Variants in CSMD3 observed in about 807,000 individuals in gnomAD.
CSMD3 encodes the protein CUB and sushi domain-containing protein 3.
A neutral mutation model predicts 435.2 loss-of-function variants in CSMD3; 177 were observed. The observed-to-expected ratio is 0.41, with a 90% CI of 0.36 to 0.46. The LOEUF (loss-of-function observed/expected upper bound fraction) is 0.46, where lower values mean the gene tolerates loss of function less well. Among genes scored for constraint, CSMD3 ranks in the 20% least tolerant of loss-of-function variants. The probability of loss-of-function intolerance (pLI) is 0.34; values close to 1 mark genes in which losing one functional copy is unlikely to be tolerated. For synonymous variants in CSMD3, 1,656 were observed against 1,520.5 expected, an observed-to-expected ratio of 1.09 and a Z score of -2.07; for missense variants, 4,265 against 4,504.6, an observed-to-expected ratio of 0.95 and a Z score of 1.52.
At chr8:113,290,554 A>T (rs2093679219) in intron 2 of CSMD3, among the ~76,000 whole-genome samples, 1 of 151,722 alleles carries the variant, frequency 6.6e-6, no homozygotes, top group Non-Finnish European at 1.5e-5. Context: ...ATTTGTGTGT[A>T]TGCATGCATA....
At chr8:113,079,763 G>A (rs1588030145) in intron 5 of CSMD3, among the ~76,000 whole-genome samples, 1 of 152,094 alleles carries the variant, frequency 6.6e-6, no homozygotes, top group East Asian at 1.9e-4. Context: ...AGTTCTTTGA[G>A]AAGTCACAGA....
intron 23 of CSMD3, among the ~76,000 whole-genome samples, chr8:112,585,542 C>G (rs974757945): frequency 6.6e-6 from 1 of 151,220 alleles, no homozygotes. Flanking sequence ...TAAGTAAGAC[C>G]TTTTAGAAAG....
intron 14 of CSMD3, among the ~76,000 whole-genome samples, chr8:112,688,162 G>T (rs1439053278): frequency 6.6e-6 from 1 of 152,258 alleles, no homozygotes; most frequent in South Asian, 2.1e-4. Flanking sequence ...TGGAAAGGAG[G>T]ATGGATTTGG....
At chr8:112,375,303 T>C (rs1828838220) in intron 38 of CSMD3, among the ~76,000 whole-genome samples, 1 of 152,158 alleles carries the variant, frequency 6.6e-6, no homozygotes, top group Non-Finnish European at 1.5e-5. Flanking sequence ...CATCTCCCAA[T>C]TCCCCTACAG....
At chr8:113,226,249 A>AAGG (rs1393453419) in intron 3 of CSMD3, among the ~76,000 whole-genome samples, 3 of 151,552 alleles carry the variant, frequency 2.0e-5, no homozygotes, top group African/African-American at 4.8e-5. Context: ...TCCTCATAAG[A>AAGG]AGGAGGAATG....
At chr8:112,722,444 G>C (rs567708692) in intron 13 of CSMD3, among the ~76,000 whole-genome samples, 1 of 152,312 alleles carries the variant, frequency 6.6e-6, no homozygotes, top group African/African-American at 2.4e-5. Flanking sequence ...ACGATTAGAA[G>C]ATGCTTATGT....
intron 5 of CSMD3, among the ~76,000 whole-genome samples, chr8:113,093,194 A>T (rs1334430666): frequency 6.6e-6 from 1 of 152,108 alleles, no homozygotes; most frequent in African/African-American, 2.4e-5. Flanking sequence ...GAGAGAAAGT[A>T]ATCTGGAAGG....
intron 12 of CSMD3, among the ~76,000 whole-genome samples, chr8:112,823,006 C>A (rs880001107): frequency 6.6e-6 from 1 of 152,130 alleles, no homozygotes; most frequent in Admixed American, 6.6e-5. Context: ...GGGGGATAAG[C>A]TTTTTGATGA....
At chr8:113,360,962 C>T (rs976614128) in intron 1 of CSMD3, among the ~76,000 whole-genome samples, 1 of 152,076 alleles carries the variant, frequency 6.6e-6, no homozygotes, top group African/African-American at 2.4e-5. Flanking sequence ...ATTCAAATAT[C>T]ATTTCACTGA....
chr8:112,334,125 G>A (rs557437555), intron 45 of CSMD3, among the ~76,000 whole-genome samples: 3 of 152,230 alleles, frequency 2.0e-5, no homozygotes, highest in East Asian at 1.9e-4. Context: ...AGAGATCAGC[G>A]TGTTCATGGT....
intron 50 of CSMD3, chr8:112,310,681 A>G: frequency 2.3e-6 from 1 of 437,634 alleles, no homozygotes; most frequent in Non-Finnish European, 4.2e-6. Context: ...CCTCTCTTTC[A>G]ATAATTGTCT....
At chr8:112,807,645 T>A (rs1203066296) in intron 12 of CSMD3, among the ~76,000 whole-genome samples, 4 of 152,126 alleles carry the variant, frequency 2.6e-5, no homozygotes, top group Admixed American at 6.6e-5. Flanking sequence ...TGATAGCTGA[T>A]TTTTTAGAAG....
At chr8:113,282,918 A>G (rs1301720597) in intron 2 of CSMD3, among the ~76,000 whole-genome samples, 2 of 152,128 alleles carry the variant, frequency 1.3e-5, no homozygotes, top group African/African-American at 4.8e-5. Context: ...TAGAGAACCC[A>G]GAAATAAACC....
At chr8:112,926,122 G>T (rs1170906697) in intron 9 of CSMD3, among the ~76,000 whole-genome samples, 2 of 152,142 alleles carry the variant, frequency 1.3e-5, no homozygotes, top group Non-Finnish European at 2.9e-5. Flanking sequence ...AGCCTTTCCA[G>T]TAAAATCCAG....
chr8:112,384,800 G>A (rs979028558), intron 36 of CSMD3, among the ~76,000 whole-genome samples: 6 of 152,256 alleles, frequency 3.9e-5, no homozygotes, highest in African/African-American at 1.4e-4. Flanking sequence ...CAGAAGTAAA[G>A]CCGTATGATT....
At chr8:113,346,208 G>A (rs565621451) in intron 1 of CSMD3, among the ~76,000 whole-genome samples, 3 of 151,658 alleles carry the variant, frequency 2.0e-5, no homozygotes, top group Non-Finnish European at 1.5e-5. Context: ...TCAATAACTG[G>A]GATTTTTCTT....
At chr8:112,261,982 G>T (rs537748226) in intron 61 of CSMD3, among the ~76,000 whole-genome samples, 1 of 151,958 alleles carries the variant, frequency 6.6e-6, no homozygotes, top group Non-Finnish European at 1.5e-5. Context: ...GTACAAGTCT[G>T]TGATTGGTCT....
chr8:113,026,181 C>T (rs922610924), intron 5 of CSMD3, among the ~76,000 whole-genome samples: 4 of 152,144 alleles, frequency 2.6e-5, no homozygotes, highest in Admixed American at 6.5e-5. Context: ...ATGTGTATGT[C>T]GGGAACGGGG....
intron 4 of CSMD3, among the ~76,000 whole-genome samples, chr8:113,126,801 C>A (rs74787281): frequency 6.6e-6 from 1 of 151,838 alleles, no homozygotes; most frequent in Non-Finnish European, 1.5e-5. Flanking sequence ...CTGCAAGCCT[C>A]GGTTATTTCC....
Sources: allele counts gnomAD v4.1 joint callset (sites outside exome capture counted in the v4.1 genomes callset), GRCh38; gene constraint gnomAD v4.1.1; transcripts MANE v1.5; gene names NCBI Gene and HGNC (gene_info 2026-07-23, HGNC 2026-07-21).